The following TBC1D32 variants were observed in gnomAD, a reference collection of about 807,000 sequenced individuals.
TBC1D32 encodes the protein protein broad-minded.
A neutral mutation model predicts 170.3 loss-of-function variants in TBC1D32; 151 were observed. That is an observed-to-expected ratio of 0.89 (90% CI 0.78 to 1.01). The LOEUF (loss-of-function observed/expected upper bound fraction) is 1.01. Ranked by LOEUF, TBC1D32 falls within the 50% of genes least tolerant of loss-of-function variation. The probability of loss-of-function intolerance (pLI) is 0.00; values close to 1 mark genes in which losing one functional copy is unlikely to be tolerated. For missense variants in TBC1D32, 1,464 were observed against 1,457.1 expected, an observed-to-expected ratio of 1.00 and a Z score of -0.08; for synonymous variants, 498 against 488.0, an observed-to-expected ratio of 1.02 and a Z score of -0.27.
rs1185582116 is a variant in TBC1D32 at position 121,223,413 on chromosome 6, G to A, written c.2365-61C>T. 1.7e-5 allele frequency: 19 copies of A among 1,086,196 alleles called. No individual in the cohort carries two copies. In the Middle Eastern group the frequency reaches 1.4e-3, roughly 79 times the overall value. The allele number at this position is 1,086,196 out of a possible 1,614,324, so 67.3% of individuals were successfully genotyped here. On this transcript the variant is annotated intron_variant, in intron 20 of 31. Transcript: ENST00000398212. ...CTTTTGTCAACCACATCCATGGAGA[G>A]TCATTAATGTAGTTTCCTATCTGTA...
chr6:121,092,947 C>G (rs1354291467), intron 30 of TBC1D32, among the ~76,000 whole-genome samples: 3 of 152,090 alleles, frequency 2.0e-5, no homozygotes, highest in African/African-American at 7.2e-5. Flanking sequence ...TTACTCATAT[C>G]AATTATTAAC....
At chr6:121,109,839 CTTA>C (rs1262509142) in intron 29 of TBC1D32, among the ~76,000 whole-genome samples, 8 of 151,950 alleles carry the variant, frequency 5.3e-5, no homozygotes, top group Admixed American at 2.6e-4. Context: ...TTATCCTAAG[CTTA>C]TTTTTTTTTA....
intron 2 of TBC1D32, among the ~76,000 whole-genome samples, chr6:121,319,787 T>A (rs76569679): frequency 0.052 from 7,882 of 152,190 alleles, 407 homozygotes; most frequent in East Asian, 0.12. Flanking sequence ...AATGTAAATT[T>A]AAAAATAATG....
At chr6:121,286,670 C>A (rs1430842763) in intron 12 of TBC1D32, among the ~76,000 whole-genome samples, 1 of 152,000 alleles carries the variant, frequency 6.6e-6, no homozygotes, top group Non-Finnish European at 1.5e-5. Flanking sequence ...AGATATTCCT[C>A]GAGAAGAGCA....
At chr6:121,299,880 G>C (rs1769809186) in intron 9 of TBC1D32, among the ~76,000 whole-genome samples, 1 of 152,182 alleles carries the variant, frequency 6.6e-6, no homozygotes, top group South Asian at 2.1e-4. Context: ...ATACTGAAGA[G>C]GATACTGTAC....
intron 21 of TBC1D32, among the ~76,000 whole-genome samples, chr6:121,207,117 A>G (rs1792377477): frequency 6.6e-6 from 1 of 152,224 alleles, no homozygotes; most frequent in East Asian, 1.9e-4. Flanking sequence ...ATGACCTATT[A>G]TCACTATTTT....
intron 15 of TBC1D32, among the ~76,000 whole-genome samples, chr6:121,268,761 C>T (rs949791765): frequency 6.6e-6 from 1 of 152,100 alleles, no homozygotes; most frequent in African/African-American, 2.4e-5. Context: ...GTACAGAGAA[C>T]ACCACAAAGA....
intron 26 of TBC1D32, among the ~76,000 whole-genome samples, chr6:121,124,158 T>G (rs1489752956): frequency 6.6e-6 from 1 of 152,100 alleles, no homozygotes; most frequent in Non-Finnish European, 1.5e-5. Context: ...ATAATCATGT[T>G]AGCATCCTTT....
rs59283869 is a variant in TBC1D32 at position 121,168,712 on chromosome 6, T to TAAAAAAAAAA, written c.2571-7666_2571-7657dup. 4.6e-3 allele frequency among the ~76,000 whole-genome samples: 433 copies of TAAAAAAAAAA among 93,692 alleles called. 3 individuals are homozygous for TAAAAAAAAAA. The highest frequency in any genetic ancestry group is 0.014 in the African/African-American group (398 of 27,674). The allele number at this position is 93,692 out of a possible 152,430, so 61.5% of individuals were successfully genotyped here. A position where few individuals can be genotyped will look rare whatever the true frequency, so the allele number is the denominator to read the frequency against. ...ATGTACCCTAAAACTTAGAGTATAA[T>TAAAAAAAAAA]AAAAAAAAAAAAAAAAAAAAAATCA... On this transcript the variant is annotated intron_variant, in intron 22 of 31. Coordinates refer to ENST00000398212, the MANE Select transcript of TBC1D32 (RefSeq NM_152730.6).
intron 22 of TBC1D32, among the ~76,000 whole-genome samples, chr6:121,169,299 A>T (rs1467471253): frequency 6.6e-6 from 1 of 152,198 alleles, no homozygotes; most frequent in Admixed American, 6.5e-5. Flanking sequence ...GACAAACCTG[A>T]CAAAAATAAG....
chr6:121,293,895 A>T (rs940281223), intron 11 of TBC1D32, among the ~76,000 whole-genome samples: 1 of 152,164 alleles, frequency 6.6e-6, no homozygotes, highest in Non-Finnish European at 1.5e-5. Context: ...TGGGTGATAC[A>T]GCGAGACTCT....
At chr6:121,152,095 G>C (rs1391593174) in intron 24 of TBC1D32, among the ~76,000 whole-genome samples, 1 of 152,108 alleles carries the variant, frequency 6.6e-6, no homozygotes, top group Non-Finnish European at 1.5e-5. Context: ...TCTTCACAGT[G>C]TTGATGGTCT....
At chr6:121,261,931 A>T (rs1466562048) in intron 15 of TBC1D32, among the ~76,000 whole-genome samples, 3 of 31,732 alleles carry the variant, frequency 9.5e-5, no homozygotes, top group Non-Finnish European at 3.4e-4. Context: ...CTTAGAGAGG[A>T]ACATTTTAAA....
chr6:121,240,337 T>G (rs867766124), intron 19 of TBC1D32, among the ~76,000 whole-genome samples: 1 of 148,852 alleles, frequency 6.7e-6, no homozygotes, highest in East Asian at 2.0e-4. Flanking sequence ...GAAAAAAAAT[T>G]AGTGGTTCAG....
At chr6:121,087,024 TG>T (rs764980084) in intron 31 of TBC1D32, among the ~76,000 whole-genome samples, 6 of 152,238 alleles carry the variant, frequency 3.9e-5, no homozygotes, top group Non-Finnish European at 8.8e-5. Context: ...GCCCAAGGAC[TG>T]AGCTCTTTCT....
At chr6:121,259,026 A>G (rs1166941606) in intron 15 of TBC1D32, among the ~76,000 whole-genome samples, 1 of 151,998 alleles carries the variant, frequency 6.6e-6, no homozygotes, top group African/African-American at 2.4e-5. Context: ...AGCCAGGTGC[A>G]GTGGTTCATG....
At chr6:121,334,041 TG>T (rs1273406493) in intron 1 of TBC1D32, among the ~76,000 whole-genome samples, 2 of 152,132 alleles carry the variant, frequency 1.3e-5, no homozygotes, top group African/African-American at 4.8e-5. Context: ...CATTCCGGCC[TG>T]GGCGACAGAG....
At chr6:121,207,997 A>G (rs1192136230) in intron 21 of TBC1D32, among the ~76,000 whole-genome samples, 2 of 152,052 alleles carry the variant, frequency 1.3e-5, no homozygotes, top group East Asian at 3.9e-4. Context: ...GAATAAAACT[A>G]AGCTAATCAA....
rs1410234737 is a variant in TBC1D32, at chr6:121,321,703, T to C, written c.247A>G (p.Asn83Asp). ...EEMEKCTSDR[N>D]QGEECGYDTV... Reference sequence around the variant, plus strand: ...TCATAGCCGCATTCTTCACCCTGATTCCGATCAGATGTGCATTTTTCCATT... The same window carrying C: ...TCATAGCCGCATTCTTCACCCTGATCCCGATCAGATGTGCATTTTTCCATT... Residue 83 changes from asparagine (N) to aspartate (D), a missense_variant, in exon 2 of 32, where the codon AAT (asparagine) becomes GAT (aspartate). Around this residue, in one of 3 missense-constraint regions of TBC1D32, gnomAD observed 1,363 missense variants for 1,338.1 expected, o/e 1.02. Coordinates refer to ENST00000398212, the MANE Select transcript of TBC1D32 (RefSeq NM_152730.6). 6.2e-7 allele frequency: 1 copy of C among 1,614,124 alleles called. No homozygotes were observed. Among genetic ancestry groups the C allele is most frequent in the Non-Finnish European group, 8.5e-7 (1 of 1,179,984 alleles).
Sources: gnomAD v4.1 joint callset for allele counts (sites outside exome capture counted in the v4.1 genomes callset) on GRCh38, gnomAD v4.1.1 for gene constraint, gnomAD v4.1.1 regional missense constraint, MANE v1.5 for transcripts, NCBI Gene and HGNC (gene_info 2026-07-23, HGNC 2026-07-21) for gene names.